The following CYP2B6 variants were observed in gnomAD, a reference collection of about 807,000 sequenced individuals.
CYP2B6 encodes cytochrome P450 family 2 subfamily B member 6, also known as cytochrome P450 2B6.
Under a neutral mutation model 43.4 loss-of-function variants are expected in CYP2B6, and 35 were observed. The observed-to-expected ratio is 0.81, with a 90% CI of 0.62 to 1.07. CYP2B6 has a LOEUF of 1.07. Among genes scored for constraint, CYP2B6 ranks in the 50% least tolerant of loss-of-function variants. CYP2B6 has a pLI of 0.00. For synonymous variants in CYP2B6, 239 were observed against 239.2 expected (o/e 1.00, Z 0.01); for missense variants, 624 against 632.8 (o/e 0.99, Z 0.15).
rs1480067005 is a variant in CYP2B6, at chr19:41,010,249, G to A, written c.964+114G>A. 1.6e-5 allele frequency: 21 copies of A among 1,301,308 alleles called. No homozygotes were observed. The East Asian group carries it at 4.7e-4, about 29-fold the overall frequency. 80.6% of individuals were successfully genotyped at this position (1,301,308 alleles called of 1,614,324 possible). A position where few individuals can be genotyped will look rare whatever the true frequency, so the allele number is the denominator to read the frequency against. On this transcript the variant is annotated intron_variant, in intron 6 of 8. Coordinates refer to ENST00000324071, the MANE Select transcript of CYP2B6 (RefSeq NM_000767.5). ...GGGATGCTGGCTTCCTATTCTGGGAGCACTGTAGGCTCTGGGCTAGATTCC... is the reference window on the plus strand; with the variant it reads ...GGGATGCTGGCTTCCTATTCTGGGAACACTGTAGGCTCTGGGCTAGATTCC...
Position 41,007,005 on chromosome 19 carries a change from C to T in CYP2B6, c.585C>T (p.Phe195=). ...GATTCCACTACCAAGATCAAGAGTT[C>T]CTGAAGATGCTGAACTTGTTCTACC... ...GKRFHYQDQE[F]LKMLNLFYQT... is the part of the protein sequence containing the mutation. The change falls in exon 4 of 9, where the codon TTC becomes TTT. Residue 195 remains phenylalanine (F), a synonymous_variant. Transcript: ENST00000324071. The T allele has an allele frequency of 6.2e-7, 1 of 1,614,066 alleles. No homozygotes were observed. The highest frequency in any genetic ancestry group is 8.5e-7 in the Non-Finnish European group (1 of 1,180,028).
chr19:41,012,256 G>C (rs1308585734), intron 6 of CYP2B6, 42 bp from the exon 7 acceptor site: 1 of 1,601,012 alleles, frequency 6.2e-7, no homozygotes, highest in South Asian at 1.1e-5. Context: ...GGCCTGAAAT[G>C]CCTCTTTAAA....
At chr19:40,993,521 AACTCACTC>A (rs1048040441) in intron 1 of CYP2B6, among the ~76,000 whole-genome samples, 1 of 152,112 alleles carries the variant, frequency 6.6e-6, no homozygotes, top group Non-Finnish European at 1.5e-5. Flanking sequence ...ATCTTGTGAG[AACTCACTC>A]ACTATCACAA....
Position 40,992,201 on chromosome 19 carries a change from C to CAAAAAAAA in CYP2B6, c.171+738_171+745dup, listed in dbSNP as rs561830421. Among the ~76,000 whole-genome samples the CAAAAAAAA allele has an allele frequency of 3.1e-3, 193 of 62,566 alleles. 3 individuals carry two copies. The highest frequency in any genetic ancestry group is 0.01 in the African/African-American group (186 of 18,378). 41.0% of individuals were successfully genotyped at this position (62,566 alleles called of 152,430 possible). On this transcript the variant is annotated intron_variant, in intron 1 of 8. Coordinates refer to ENST00000324071, the MANE Select transcript of CYP2B6 (RefSeq NM_000767.5). ...TGGGTGACAGAGTGAGACTCCTTCT[C>CAAAAAAAA]AAAAAAAAAAAAAAAAAAAAGAATA...
At chr19:41,012,552 C>G in intron 7 of CYP2B6, 67 bp downstream of exon 7, 2 of 1,610,734 alleles carry the variant, frequency 1.2e-6, no homozygotes, top group Non-Finnish European at 1.7e-6. Context: ...TCCCCGAACT[C>G]AACCTTTTGT....
At chr19:41,010,780 A>G (rs1285603570) in intron 6 of CYP2B6, among the ~76,000 whole-genome samples, 6 of 151,884 alleles carry the variant, frequency 4.0e-5, no homozygotes. Flanking sequence ...ATTTCTCATC[A>G]TTCACCCCCC....
chr19:41,014,782 AAGAG>A (rs956256467), intron 8 of CYP2B6, among the ~76,000 whole-genome samples: 18 of 151,370 alleles, frequency 1.2e-4, no homozygotes, highest in Non-Finnish European at 7.4e-5. Flanking sequence ...TACAGAGAGG[AAGAG>A]AGAGAGACAC....
intron 1 of CYP2B6, among the ~76,000 whole-genome samples, chr19:40,997,464 A>AT (rs1033200512): frequency 4.7e-5 from 7 of 149,510 alleles, no homozygotes; most frequent in Non-Finnish European, 1.0e-4. Flanking sequence ...TAATAGAGTT[A>AT]TTTTTTTAAT....
At chr19:41,008,000 T>A (rs1479468315) in intron 4 of CYP2B6, among the ~76,000 whole-genome samples, 2 of 151,946 alleles carry the variant, frequency 1.3e-5, no homozygotes, top group Non-Finnish European at 2.9e-5. Flanking sequence ...GAAGGATAAA[T>A]GACAATAAGG....
chr19:41,016,087 A>G (rs1402088237), intron 8 of CYP2B6, among the ~76,000 whole-genome samples: 2 of 152,052 alleles, frequency 1.3e-5, no homozygotes, highest in African/African-American at 4.8e-5. Context: ...AACAGAAGCT[A>G]GAAACTCTCT....
chr19:41,002,974 T>C (rs557301726), intron 1 of CYP2B6, among the ~76,000 whole-genome samples: 203 of 152,288 alleles, frequency 1.3e-3, no homozygotes, highest in African/African-American at 4.6e-3. Context: ...TGTTCTTTTT[T>C]GTTGCTGTAT....
At position 41,004,503 on chromosome 19, in the gene CYP2B6, T is replaced by A. The variant is rs28969408; in HGVS notation, c.484+57T>A. 3.8e-6 allele frequency: 6 copies of A among 1,587,372 alleles called. No individual in the cohort carries two copies. In the African/African-American group the frequency reaches 6.7e-5, roughly 18 times the overall value. ...ACAATGAAACACTGAGAGATGCAGG[T>A]GCACGGGAATAGAAAGACAGAGAGG... On this transcript the variant is annotated intron_variant, in intron 3 of 8. Transcript: ENST00000324071.
chr19:40,993,444 C>T (rs1441209478), intron 1 of CYP2B6, among the ~76,000 whole-genome samples: 1 of 152,126 alleles, frequency 6.6e-6, no homozygotes, highest in Non-Finnish European at 1.5e-5. Context: ...AAGCAAGTAC[C>T]TTCTTCACAA....
In CYP2B6 at chr19:41,017,200, G is replaced by A. The variant is rs35764087; in HGVS notation, c.*373G>A. ...TGGGATTACAGGCATGCACTACCACGCTTGGCTAATTTTTGTATTTTTAGT... is the reference window on the plus strand; with the variant it reads ...TGGGATTACAGGCATGCACTACCACACTTGGCTAATTTTTGTATTTTTAGT... On this transcript the variant is annotated 3_prime_UTR_variant, in exon 9 of 9. Coordinates refer to ENST00000324071, the MANE Select transcript of CYP2B6 (RefSeq NM_000767.5). 9.0e-3 allele frequency: 1,457 copies of A among 162,242 alleles called. 16 individuals carry two copies. Among genetic ancestry groups the A allele is most frequent in the Middle Eastern group, 0.034 (11 of 320 alleles). 10.1% of individuals were successfully genotyped at this position (162,242 alleles called of 1,614,324 possible). A position where few individuals can be genotyped will look rare whatever the true frequency, so the allele number is the denominator to read the frequency against.
chr19:41,006,604 G>A (rs188699896), intron 3 of CYP2B6, among the ~76,000 whole-genome samples: 198 of 152,010 alleles, frequency 1.3e-3, no homozygotes, highest in African/African-American at 4.6e-3. Flanking sequence ...CTATAGCTGT[G>A]TTGCCTGGGT....
chr19:41,003,551 G>A (rs1267390107), intron 1 of CYP2B6, among the ~76,000 whole-genome samples: 1 of 152,154 alleles, frequency 6.6e-6, no homozygotes. Context: ...ATGCGGTGGG[G>A]GTGATATTCA....
chr19:41,009,837 T>TA lies in CYP2B6; in HGVS notation c.823-156dup. The TA allele has an allele frequency of 4.1e-6, 3 of 728,128 alleles. 1 individual carries two copies. The Admixed American group carries it at 6.2e-5, about 15-fold the overall frequency. 45.1% of individuals were successfully genotyped at this position (728,128 alleles called of 1,614,324 possible). A position where few individuals can be genotyped will look rare whatever the true frequency, so the allele number is the denominator to read the frequency against. On this transcript the variant is annotated intron_variant, in intron 5 of 8. Transcript: ENST00000324071. ...GAGGCTGAGAGAGATGAGTTAGAGA[T>TA]ACGCGGTTGGATGTGTAGAGGACAG...
At chr19:41,008,069 CTT>C (rs1212250671) in intron 4 of CYP2B6, among the ~76,000 whole-genome samples, 1 of 150,784 alleles carries the variant, frequency 6.6e-6, no homozygotes, top group African/African-American at 2.4e-5. Flanking sequence ...TTTTTTTTAA[CTT>C]TCCCCAGATT....
At chr19:41,003,545 G>T (rs1372253660) in intron 1 of CYP2B6, among the ~76,000 whole-genome samples, 1 of 152,160 alleles carries the variant, frequency 6.6e-6, no homozygotes, top group Non-Finnish European at 1.5e-5. Flanking sequence ...AGAAGTATGC[G>T]GTGGGGGTGA....
Sources: allele counts gnomAD v4.1 joint callset (sites outside exome capture counted in the v4.1 genomes callset), GRCh38; gene constraint gnomAD v4.1.1; transcripts MANE v1.5; gene names NCBI Gene and HGNC (gene_info 2026-07-23, HGNC 2026-07-21).